NSUN4: variants seen among roughly 807,000 people sequenced by gnomAD.
NSUN4 encodes the protein NOP2/Sun RNA methyltransferase 4, also known as 5-cytosine rRNA methyltransferase NSUN4.
NSUN4 carries 31 observed loss-of-function variants against 43.8 expected under a neutral mutation model. That is an observed-to-expected ratio of 0.71 (90% CI 0.53 to 0.96). NSUN4 has a LOEUF of 0.96. Among genes scored for constraint, NSUN4 ranks in the 40% least tolerant of loss-of-function variants. The pLI, the probability that NSUN4 is intolerant of heterozygous loss-of-function variation, is 0.00. For missense variants in NSUN4, 439 were observed against 475.6 expected (o/e 0.92, Z 0.72); for synonymous variants, 167 against 184.1 (o/e 0.91, Z 0.75).
intron 2 of NSUN4, among the ~76,000 whole-genome samples, chr1:46,346,150 CAAAAA>C (rs745954011): frequency 1.2e-5 from 1 of 86,158 alleles, no homozygotes; most frequent in Admixed American, 1.4e-4. Context: ...GACTCTGTCT[CAAAAA>C]AAAAAAAAAA....
chr1:46,346,146 G>A (rs1360170842), intron 2 of NSUN4, among the ~76,000 whole-genome samples: 3 of 105,488 alleles, frequency 2.8e-5, no homozygotes, highest in Admixed American at 1.0e-4. Flanking sequence ...GCGAGACTCT[G>A]TCTCAAAAAA....
intron 3 of NSUN4, among the ~76,000 whole-genome samples, chr1:46,352,039 G>T (rs952067746): frequency 1.2e-4 from 18 of 151,672 alleles, no homozygotes; most frequent in Non-Finnish European, 1.9e-4. Flanking sequence ...TGTTGCCCAG[G>T]CTGGTCTTGA....
At chr1:46,371,070 C>T in the NSUN4 span, 2 of 152,106 alleles carry the variant, frequency 1.3e-5, no homozygotes, top group African/African-American at 4.8e-5. Flanking sequence ...GGTCACATAG[C>T]AAGTCAGTGG....
intron 2 of NSUN4, 148 bp from the exon 3 acceptor site, chr1:46,346,773 T>A: frequency 1.6e-6 from 1 of 628,318 alleles, no homozygotes; most frequent in South Asian, 1.9e-5. Flanking sequence ...TATAGATGAA[T>A]GAATAAGTGA....
intron 1 of NSUN4, 40 bp downstream of exon 1, chr1:46,340,959 T>C: frequency 6.6e-7 from 1 of 1,510,238 alleles, no homozygotes; most frequent in Non-Finnish European, 9.1e-7. Flanking sequence ...AAAGTGAGGG[T>C]GGAAACTTCT....
chr1:46,346,660 G>A (rs1268186094), intron 2 of NSUN4, among the ~76,000 whole-genome samples: 2 of 152,132 alleles, frequency 1.3e-5, no homozygotes, highest in African/African-American at 4.8e-5. Context: ...GGAGGTGGAG[G>A]TTGCAGCGAG....
At chr1:46,341,881 A>G (rs970610062) in intron 1 of NSUN4, 15 of 1,232,894 alleles carry the variant, frequency 1.2e-5, no homozygotes, top group Non-Finnish European at 1.5e-5. Flanking sequence ...TACTGTGACC[A>G]GCACACTAAT....
chr1:46,374,289 CAAAAAAAAAA>C, the NSUN4 span, among the ~76,000 whole-genome samples: 5 of 42,912 alleles, frequency 1.2e-4, no homozygotes, highest in African/African-American at 1.9e-4. Flanking sequence ...TCTGTCTCAC[CAAAAAAAAAA>C]AAAAAAAAAA....
At position 46,361,648 on chromosome 1, in the gene NSUN4, T is replaced by C. The variant is rs753468592; in HGVS notation, c.957T>C (p.Tyr319=). The C allele has an allele frequency of 3.3e-5, 53 of 1,614,184 alleles. No homozygotes were observed. The highest frequency in any genetic ancestry group is 4.2e-5 in the Non-Finnish European group (50 of 1,180,012). Residue 319 remains tyrosine, a synonymous_variant, in exon 6 of 6, where the codon TAT becomes TAC. Coordinates refer to ENST00000474844, the MANE Select transcript of NSUN4 (RefSeq NM_199044.4). ...CACTCTCACACTTACAGAACGAGTA[T>C]GTGGTGCAAGGTGCCATTGAGCTCC... ...TCSLSHLQNE[Y]VVQGAIELLA...
In NSUN4 at chr1:46,344,897, C is replaced by G; in HGVS notation, c.190C>G (p.Arg64Gly). The G allele has an allele frequency of 6.2e-7, 1 of 1,614,150 alleles. No individual in the cohort carries two copies. Among genetic ancestry groups the G allele is most frequent in the Non-Finnish European group, 8.5e-7 (1 of 1,180,016 alleles). The change falls in exon 2 of 6, where the codon CGT (arginine) becomes GGT (glycine). Residue 64 changes from arginine (R) to glycine (G), a missense_variant. By Grantham distance (125) the Arg-to-Gly change is moderately radical. Transcript: ENST00000474844. ...GTTTGGAGATCTTTGGCCATCAATC[C>G]GTGTCAGTCTCCTCTCAGAGCAGAA... Reference protein sequence around the residue: ...VQFGDLWPSIRVSLLSEQKYG... With the variant: ...VQFGDLWPSIGVSLLSEQKYG...
Position 46,360,800 on chromosome 1 carries a change from T to G in NSUN4, c.850T>G (p.Leu284Val). Residue 284 changes from leucine (L) to valine (V), a missense_variant, in exon 5 of 6, where the codon TTG (leucine) becomes GTG (valine). By Grantham distance (32) the Leu-to-Val change is conservative (BLOSUM62 1). Transcript: ENST00000474844. The part of the protein sequence containing the change: ...KRSRKKERQI[L>V]PVLQVQLLAA... ...GTCAAGGAAGAAGGAGCGACAGATA[T>G]TGCCTGTGCTGCAAGTGCAGCTTCT... The G allele has an allele frequency of 6.2e-7, 1 of 1,613,990 alleles. No homozygotes were observed. The highest frequency in any genetic ancestry group is 1.1e-5 in the South Asian group (1 of 91,092).
At chr1:46,345,479 C>T (rs952681446) in intron 2 of NSUN4, 1 of 217,422 alleles carries the variant, frequency 4.6e-6, no homozygotes, top group African/African-American at 2.3e-5. Context: ...CCACTCTGCT[C>T]TGTGCCTCTG....
At chr1:46,378,541 G>A in the NSUN4 span, among the ~76,000 whole-genome samples, 1 of 152,162 alleles carries the variant, frequency 6.6e-6, no homozygotes, top group Non-Finnish European at 1.5e-5. Flanking sequence ...TCACAGTTGG[G>A]CCCTCCACTG....
At chr1:46,343,201 T>C (rs1662246286) in intron 1 of NSUN4, 2 of 380,030 alleles carry the variant, frequency 5.3e-6, no homozygotes, top group Admixed American at 9.1e-5. Flanking sequence ...CCTCCCATTG[T>C]GCCCCTGTGT....
chr1:46,376,065 T>G, the NSUN4 span, among the ~76,000 whole-genome samples: 1 of 117,174 alleles, frequency 8.5e-6, no homozygotes, highest in African/African-American at 3.4e-5. Context: ...ATCGCGCCAT[T>G]GCACTCCAGC....
At chr1:46,342,085 C>T (rs1035719080) in intron 1 of NSUN4, 2 of 580,816 alleles carry the variant, frequency 3.4e-6, no homozygotes, top group Non-Finnish European at 5.1e-6. Flanking sequence ...ATTTCACCTC[C>T]TCTTGCTCGC....
chr1:46,366,727 A>AAAAAAAAAAAAAAAAAAAAAG (rs1553178523), downstream of NSUN4, among the ~76,000 whole-genome samples: 2 of 127,896 alleles, frequency 1.6e-5, no homozygotes, highest in African/African-American at 2.7e-5. Context: ...AAAAAAAAAA[A>AAAAAAAAAAAAAAAAAAAAAG]AAGTGGGTAG....
intron 1 of NSUN4, chr1:46,343,165 G>A: frequency 2.6e-6 from 1 of 384,202 alleles, no homozygotes; most frequent in Non-Finnish European, 4.5e-6. Flanking sequence ...CCACTGTCTG[G>A]CTCCCTCAAT....
At chr1:46,343,514 A>G in intron 1 of NSUN4, 1 of 399,744 alleles carries the variant, frequency 2.5e-6, no homozygotes, top group Non-Finnish European at 4.4e-6. Context: ...TTATTAGCAA[A>G]TGCCAGAGTA....
Sources: gnomAD v4.1 joint callset for allele counts (sites outside exome capture counted in the v4.1 genomes callset) on GRCh38, gnomAD v4.1.1 for gene constraint, MANE v1.5 for transcripts, NCBI Gene and HGNC (gene_info 2026-07-23, HGNC 2026-07-21) for gene names.